Variants in DLGAP2 observed in about 807,000 individuals in gnomAD.
DLGAP2 encodes DLG associated protein 2, also known as disks large-associated protein 2.
Under a neutral mutation model 100.3 loss-of-function variants are expected in DLGAP2, and 26 were observed. The observed-to-expected ratio is 0.26, with a 90% CI of 0.19 to 0.36. The LOEUF (loss-of-function observed/expected upper bound fraction) is 0.36. DLGAP2 is among the 10% of genes least tolerant of loss of function. DLGAP2 has a pLI of 1.00. For missense variants in DLGAP2, 1,858 were observed against 1,453.2 expected, an observed-to-expected ratio of 1.28 and a Z score of -4.53; for synonymous variants, 886 against 630.1, an observed-to-expected ratio of 1.41 and a Z score of -6.08.
At chr8:1,533,205 A>G (rs1046978632) in intron 4 of DLGAP2, among the ~76,000 whole-genome samples, 10 of 151,960 alleles carry the variant, frequency 6.6e-5, no homozygotes, top group Non-Finnish European at 1.5e-5. Context: ...TGATTTTTAG[A>G]ATATGTTTTT....
intron 2 of DLGAP2, among the ~76,000 whole-genome samples, chr8:931,309 G>A (rs1307076850): frequency 6.6e-6 from 1 of 152,240 alleles, no homozygotes; most frequent in African/African-American, 2.4e-5. Flanking sequence ...GGTGTCTGGG[G>A]TCTCCCACGC....
At chr8:786,278 G>A (rs1317894706) in intron 1 of DLGAP2, among the ~76,000 whole-genome samples, 4 of 152,174 alleles carry the variant, frequency 2.6e-5, no homozygotes, top group Admixed American at 2.6e-4. Context: ...AGAGGGTGCA[G>A]TTGGTCCATG....
intron 1 of DLGAP2, among the ~76,000 whole-genome samples, chr8:887,330 G>C (rs1797942795): frequency 6.6e-6 from 1 of 151,934 alleles, no homozygotes; most frequent in Admixed American, 6.5e-5. Context: ...TATCCAATTT[G>C]CCAGTCTGTG....
At chr8:1,549,812 G>A (rs958248935) in intron 5 of DLGAP2, 129 bp downstream of exon 5, 15 of 1,075,064 alleles carry the variant, frequency 1.4e-5, no homozygotes, top group South Asian at 3.3e-5. Context: ...TCTGAGCTAC[G>A]GATATGTTCT....
intron 2 of DLGAP2, among the ~76,000 whole-genome samples, chr8:934,647 C>T (rs1302496354): frequency 1.3e-5 from 2 of 152,032 alleles, no homozygotes; most frequent in East Asian, 1.9e-4. Flanking sequence ...GGAGGCAGAG[C>T]GGGCACTGGG....
chr8:989,735 G>C (rs1800600139), intron 2 of DLGAP2, among the ~76,000 whole-genome samples: 3 of 152,110 alleles, frequency 2.0e-5, no homozygotes, highest in Admixed American at 2.0e-4. Flanking sequence ...TTTGAAATTG[G>C]CTTAATCTTA....
chr8:1,299,687 AT>A (rs1018457005), intron 3 of DLGAP2, among the ~76,000 whole-genome samples: 1 of 152,290 alleles, frequency 6.6e-6, no homozygotes, highest in Non-Finnish European at 1.5e-5. Flanking sequence ...TTTTTAAATT[AT>A]TTTTTTAAAG....
intron 4 of DLGAP2, among the ~76,000 whole-genome samples, chr8:1,528,576 C>T (rs115123457): frequency 0.013 from 1,948 of 152,332 alleles, 33 homozygotes; most frequent in African/African-American, 0.045. Flanking sequence ...AGGTGATTCT[C>T]ATGCTGAGAA....
intron 3 of DLGAP2, among the ~76,000 whole-genome samples, chr8:1,293,637 A>G (rs1219901191): frequency 6.6e-6 from 1 of 152,208 alleles, no homozygotes; most frequent in Non-Finnish European, 1.5e-5. Context: ...GAACAGAAAA[A>G]AAAAATTATC....
At chr8:993,654 C>T (rs79067494) in intron 2 of DLGAP2, among the ~76,000 whole-genome samples, 3,062 of 152,126 alleles carry the variant, frequency 0.02, 102 homozygotes, top group African/African-American at 0.07. Flanking sequence ...CCTTCATGGG[C>T]GATTCTGCCA....
At chr8:1,331,432 C>T (rs574032691) in intron 3 of DLGAP2, among the ~76,000 whole-genome samples, 1 of 152,140 alleles carries the variant, frequency 6.6e-6, no homozygotes, top group South Asian at 2.1e-4. Context: ...CCTTTGCAAA[C>T]CTGCCCTCCT....
intron 1 of DLGAP2, among the ~76,000 whole-genome samples, chr8:763,690 G>A (rs773604250): frequency 6.6e-6 from 1 of 152,118 alleles, no homozygotes; most frequent in South Asian, 2.1e-4. Flanking sequence ...ACACCTCACC[G>A]GGGACTCGGT....
intron 2 of DLGAP2, among the ~76,000 whole-genome samples, chr8:994,547 G>T (rs1364799202): frequency 3.3e-5 from 5 of 152,140 alleles, no homozygotes; most frequent in African/African-American, 7.2e-5. Flanking sequence ...CAAGGCTCCA[G>T]ATCCTCAAGA....
Position 1,507,549 on chromosome 8 carries a change from C to T in DLGAP2, c.172+6118C>T, listed in dbSNP as rs983249293. Among the ~76,000 whole-genome samples the T allele has an allele frequency of 3.3e-5, 5 of 152,156 alleles. No individual in the cohort carries two copies. The South Asian group carries it at 1.0e-3, about 31-fold the overall frequency. The stretch of plus-strand genomic sequence containing the variant: ...AAGCAGAGGGAGCCGGCTCCGGCCT[C>T]GGCCAGCCCCCAGGGCAGTGGCTGG... On this transcript the variant is annotated intron_variant, in intron 4 of 14. Transcript: ENST00000637795.
At chr8:928,474 T>C (rs913353777) in intron 2 of DLGAP2, among the ~76,000 whole-genome samples, 13 of 152,152 alleles carry the variant, frequency 8.5e-5, no homozygotes, top group African/African-American at 3.1e-4. Context: ...GGTCCCCAGC[T>C]TGGTGCTCAG....
At chr8:839,761 T>C (rs1796946960) in intron 1 of DLGAP2, among the ~76,000 whole-genome samples, 1 of 152,200 alleles carries the variant, frequency 6.6e-6, no homozygotes, top group Non-Finnish European at 1.5e-5. Context: ...TTATTCACCG[T>C]TTCATCACCC....
At chr8:803,120 T>C (rs906208059) in intron 1 of DLGAP2, among the ~76,000 whole-genome samples, 1 of 152,098 alleles carries the variant, frequency 6.6e-6, no homozygotes, top group Non-Finnish European at 1.5e-5. Context: ...CTCCCACGGC[T>C]CCTGGCTTTA....
At chr8:1,517,401 G>T (rs1563197251) in intron 4 of DLGAP2, among the ~76,000 whole-genome samples, 1 of 152,112 alleles carries the variant, frequency 6.6e-6, no homozygotes, top group Non-Finnish European at 1.5e-5. Context: ...GGGCACCCCT[G>T]GGCGCCCAGT....
intron 1 of DLGAP2, among the ~76,000 whole-genome samples, chr8:789,998 T>G (rs13254154): frequency 6.6e-6 from 1 of 152,224 alleles, no homozygotes; most frequent in Non-Finnish European, 1.5e-5. Context: ...CCTCCCAGGA[T>G]GGCAGTGGTA....
Sources: allele counts gnomAD v4.1 joint callset (sites outside exome capture counted in the v4.1 genomes callset), GRCh38; gene constraint gnomAD v4.1.1; transcripts MANE v1.5; gene names NCBI Gene and HGNC (gene_info 2026-07-23, HGNC 2026-07-21).